The following DCC variants were observed in gnomAD, a reference collection of about 807,000 sequenced individuals.
DCC encodes the protein DCC netrin 1 receptor, also known as netrin receptor DCC.
DCC carries 58 observed loss-of-function variants against 172.5 expected under a neutral mutation model. The ratio of observed to expected loss-of-function variants is 0.34; its 90% CI spans 0.27 to 0.42. The LOEUF (loss-of-function observed/expected upper bound fraction) is 0.42. DCC is among the 10% of genes least tolerant of loss of function. DCC has a pLI of 1.00. For synonymous variants in DCC, 709 were observed against 644.5 expected, an observed-to-expected ratio of 1.10 and a Z score of -1.52; for missense variants, 1,740 against 1,791.0, an observed-to-expected ratio of 0.97 and a Z score of 0.51.
At chr18:52,923,963 CATA>C in intron 4 of DCC, 106 bp downstream of exon 4, 3 of 826,688 alleles carry the variant, frequency 3.6e-6, no homozygotes, top group Non-Finnish European at 4.1e-6. Flanking sequence ...TAGGGTTTTT[CATA>C]ATAATTGAAT....
intron 8 of DCC, among the ~76,000 whole-genome samples, chr18:53,164,279 A>G (rs933836568): frequency 1.3e-5 from 2 of 152,154 alleles, no homozygotes; most frequent in Non-Finnish European, 2.9e-5. Flanking sequence ...AGGTTTTGCT[A>G]TGTTGCTCAG....
intron 9 of DCC, among the ~76,000 whole-genome samples, chr18:53,191,484 C>G (rs1390088713): frequency 6.6e-6 from 1 of 151,966 alleles, no homozygotes; most frequent in Non-Finnish European, 1.5e-5. Flanking sequence ...AGTATTACAA[C>G]TAATTTCACT....
chr18:53,009,097 A>C (rs1486504619), intron 5 of DCC, among the ~76,000 whole-genome samples: 2 of 151,920 alleles, frequency 1.3e-5, no homozygotes, highest in Non-Finnish European at 2.9e-5. Context: ...ACAGTACCAC[A>C]ATATCCTAAT....
intron 1 of DCC, among the ~76,000 whole-genome samples, chr18:52,744,696 C>T (rs964278693): frequency 1.3e-4 from 20 of 152,218 alleles, no homozygotes; most frequent in South Asian, 2.1e-4. Context: ...TCTGGTCTAG[C>T]GGAAATTAAA....
rs927376289 is a variant in DCC at position 53,504,788 on chromosome 18, T to C, written c.4111+5278T>C. 5.9e-5 allele frequency among the ~76,000 whole-genome samples: 9 copies of C among 152,348 alleles called. No individual in the cohort carries two copies. In the South Asian group the frequency reaches 1.9e-3, roughly 32 times the overall value. Reference sequence around the variant, plus strand: ...GAAATAATTTCTAGAAGAGTCATTATGCGTAAGCCAAGTAATTGATGCCCT... The same window carrying C: ...GAAATAATTTCTAGAAGAGTCATTACGCGTAAGCCAAGTAATTGATGCCCT... On this transcript the variant is annotated intron_variant, in intron 27 of 28. Transcript: ENST00000442544.
chr18:52,883,391 T>TGA (rs200778039), intron 2 of DCC, among the ~76,000 whole-genome samples: 2 of 82,198 alleles, frequency 2.4e-5, no homozygotes, highest in African/African-American at 3.8e-5. Flanking sequence ...TGTGTGTGTG[T>TGA]GAGATCTCTT....
chr18:53,445,293 C>T, intron 22 of DCC, among the ~76,000 whole-genome samples: 1 of 152,176 alleles, frequency 6.6e-6, no homozygotes, highest in East Asian at 1.9e-4. Context: ...TCAAAGTGTT[C>T]TAATAATTAT....
intron 14 of DCC, 81 bp downstream of exon 14, chr18:53,322,238 A>C: frequency 1.2e-6 from 1 of 805,894 alleles, no homozygotes; most frequent in South Asian, 1.4e-5. Context: ...AAAAGGAATG[A>C]ACTCCAACTT....
At chr18:52,342,067 G>A (rs1983662832) in intron 1 of DCC, among the ~76,000 whole-genome samples, 1 of 152,180 alleles carries the variant, frequency 6.6e-6, no homozygotes. Context: ...TCTCTGCTAA[G>A]TGCTGCATGG....
chr18:53,240,175 A>C (rs1026646214), intron 12 of DCC, among the ~76,000 whole-genome samples: 3 of 152,112 alleles, frequency 2.0e-5, no homozygotes, highest in African/African-American at 7.2e-5. Flanking sequence ...TTTATATTAG[A>C]CTAGATTTTT....
chr18:52,772,691 A>AC (rs2037363598), intron 2 of DCC, among the ~76,000 whole-genome samples: 1 of 152,176 alleles, frequency 6.6e-6, no homozygotes, highest in Admixed American at 6.5e-5. Context: ...CTGATCCATC[A>AC]CAGTGCTTTT....
intron 1 of DCC, among the ~76,000 whole-genome samples, chr18:52,396,718 A>G (rs1263933638): frequency 6.6e-6 from 1 of 152,112 alleles, no homozygotes; most frequent in Non-Finnish European, 1.5e-5. Context: ...GTAATGAATG[A>G]CAAACACTGG....
chr18:52,916,616 A>T (rs931485304), intron 3 of DCC, among the ~76,000 whole-genome samples: 2 of 152,236 alleles, frequency 1.3e-5, no homozygotes, highest in African/African-American at 4.8e-5. Context: ...CAGCTAGATC[A>T]GTAGATTTTT....
At chr18:52,758,687 T>G (rs1030194856) in intron 2 of DCC, 5 of 151,968 alleles carry the variant, frequency 3.3e-5, no homozygotes, top group African/African-American at 1.2e-4. Context: ...AAAAAAACCT[T>G]AACTGAAGAG....
At chr18:52,601,034 C>A (rs2034007469) in intron 1 of DCC, among the ~76,000 whole-genome samples, 1 of 151,920 alleles carries the variant, frequency 6.6e-6, no homozygotes, top group Admixed American at 6.6e-5. Context: ...ACATGTGGGT[C>A]ATAAACTGCT....
At chr18:53,431,548 C>T (rs1208955367) in intron 21 of DCC, among the ~76,000 whole-genome samples, 2 of 151,412 alleles carry the variant, frequency 1.3e-5, no homozygotes, top group South Asian at 2.1e-4. Context: ...AGTGCAGTGT[C>T]GCAGTCTCGG....
chr18:52,386,609 C>T (rs985172113), intron 1 of DCC, among the ~76,000 whole-genome samples: 1 of 151,928 alleles, frequency 6.6e-6, no homozygotes. Context: ...AAGGTGTATA[C>T]ATTATTTCTG....
intron 5 of DCC, among the ~76,000 whole-genome samples, chr18:53,053,866 A>T: frequency 6.6e-6 from 1 of 152,168 alleles, no homozygotes; most frequent in East Asian, 1.9e-4. Context: ...CTAAAACAGA[A>T]AATTCGACAA....
intron 13 of DCC, among the ~76,000 whole-genome samples, chr18:53,309,946 A>ATATATATATATATG (rs71175575): frequency 7.2e-6 from 1 of 138,236 alleles, no homozygotes; most frequent in African/African-American, 2.7e-5. Flanking sequence ...ATATATATAC[A>ATATATATATATATG]TGTATATATA....
Sources: allele counts gnomAD v4.1 joint callset (sites outside exome capture counted in the v4.1 genomes callset), GRCh38; gene constraint gnomAD v4.1.1; transcripts MANE v1.5; gene names NCBI Gene and HGNC (gene_info 2026-07-23, HGNC 2026-07-21).